The following SUCLG2 variants were observed in gnomAD, a reference collection of about 807,000 sequenced individuals.
SUCLG2 encodes the protein succinate--CoA ligase [GDP-forming] subunit beta, mitochondrial.
SUCLG2 carries 42 observed loss-of-function variants against 47.9 expected under a neutral mutation model. That is an observed-to-expected ratio of 0.88 (90% CI 0.69 to 1.14). The LOEUF (loss-of-function observed/expected upper bound fraction) is 1.14. SUCLG2 is among the 50% of genes most tolerant of loss of function. The pLI, the probability that SUCLG2 is intolerant of heterozygous loss-of-function variation, is 0.00. For missense variants in SUCLG2, 571 were observed against 525.9 expected (o/e 1.09, Z -0.84); for synonymous variants, 195 against 197.3 (o/e 0.99, Z 0.10).
intron 9 of SUCLG2, among the ~76,000 whole-genome samples, chr3:67,451,493 G>A (rs1468239903): frequency 6.6e-6 from 1 of 152,144 alleles, no homozygotes; most frequent in African/African-American, 2.4e-5. Flanking sequence ...CCTCAAGGGA[G>A]GTACACCACC....
rs147592320 is a variant in SUCLG2 at position 67,626,385 on chromosome 3, G to C, written c.85-16789C>G. On this transcript the variant is annotated intron_variant, in intron 1 of 10. Transcript: ENST00000307227. ...AATGATCAGCACCAAGCAGCAAGGGGTATGCTGGACAAAAACAGCAATTGT... is the reference window on the plus strand; with the variant it reads ...AATGATCAGCACCAAGCAGCAAGGGCTATGCTGGACAAAAACAGCAATTGT... 5.1e-4 allele frequency among the ~76,000 whole-genome samples: 78 copies of C among 152,098 alleles called. 1 individual carries two copies. In the East Asian group the frequency reaches 8.4e-3, roughly 16 times the overall value.
rs529232226 is a variant in SUCLG2, at chr3:67,431,576, A to G, written c.1063-30725T>C. 7.9e-5 allele frequency among the ~76,000 whole-genome samples: 12 copies of G among 152,346 alleles called. No individual in the cohort carries two copies. In the East Asian group the frequency reaches 2.3e-3, roughly 29 times the overall value. The stretch of plus-strand genomic sequence containing the variant: ...TGCAGCCATAAAAAAGGTTGAGTTC[A>G]TGTCCTTTGTAGGGACATGGATGAA... On this transcript the variant is annotated intron_variant, in intron 9 of 10. Transcript: ENST00000307227.
At chr3:67,641,242 TCAAATC>T in intron 1 of SUCLG2, among the ~76,000 whole-genome samples, 1 of 152,268 alleles carries the variant, frequency 6.6e-6, no homozygotes, top group Admixed American at 6.5e-5. Context: ...TCAGAGCTTC[TCAAATC>T]CAACACCAGC....
intron 9 of SUCLG2, among the ~76,000 whole-genome samples, chr3:67,422,497 A>AAAAAAAAAAAAAAAAAAAAAAAC (rs1703189526): frequency 6.9e-6 from 1 of 145,126 alleles, no homozygotes; most frequent in Non-Finnish European, 1.5e-5. Flanking sequence ...AAAAAAAAAA[A>AAAAAAAAAAAAAAAAAAAAAAAC]AAAAAAGAAC....
intron 9 of SUCLG2, among the ~76,000 whole-genome samples, chr3:67,484,512 A>G (rs894593219): frequency 6.6e-6 from 1 of 152,246 alleles, no homozygotes; most frequent in Admixed American, 6.5e-5. Flanking sequence ...ATAATGAAGT[A>G]TACAATAGTT....
Position 67,375,865 on chromosome 3 carries a change from AG to A in SUCLG2, c.1184-7del. ...GGCCTCTTGGACGTTGGTTCCTAGA[AG>A]GGGGACAGGGAACAATCACTGAATG... On this transcript the variant is annotated splice_region_variant and splice_polypyrimidine_tract_variant and intron_variant, in intron 10 of 10. Coordinates refer to ENST00000307227, the MANE Select transcript of SUCLG2 (RefSeq NM_003848.4). The A allele has an allele frequency of 6.2e-7, 1 of 1,612,036 alleles. No individual in the cohort carries two copies. Among genetic ancestry groups the A allele is most frequent in the African/African-American group, 1.3e-5 (1 of 75,016 alleles).
At chr3:67,394,253 C>T (rs889106824) in intron 10 of SUCLG2, among the ~76,000 whole-genome samples, 2 of 151,908 alleles carry the variant, frequency 1.3e-5, no homozygotes, top group South Asian at 2.1e-4. Flanking sequence ...AAACCAAAGG[C>T]AAAGAAGTTA....
chr3:67,431,106 C>G (rs1196189390), intron 9 of SUCLG2, among the ~76,000 whole-genome samples: 1 of 152,092 alleles, frequency 6.6e-6, no homozygotes, highest in Non-Finnish European at 1.5e-5. Flanking sequence ...ATTTTAAAGG[C>G]CAGCATCATC....
intron 9 of SUCLG2, among the ~76,000 whole-genome samples, chr3:67,428,818 A>G (rs1036124499): frequency 6.6e-6 from 1 of 152,220 alleles, no homozygotes; most frequent in Non-Finnish European, 1.5e-5. Context: ...AAGCTTCAGT[A>G]GCCGATTTGA....
chr3:67,641,743 A>ACTACATT (rs1237999802), intron 1 of SUCLG2, among the ~76,000 whole-genome samples: 1 of 152,198 alleles, frequency 6.6e-6, no homozygotes, highest in Non-Finnish European at 1.5e-5. Flanking sequence ...AGTACCACAT[A>ACTACATT]CTGGGTGGCT....
chr3:67,650,526 G>A (rs1394590934), intron 1 of SUCLG2, among the ~76,000 whole-genome samples: 4 of 152,320 alleles, frequency 2.6e-5, no homozygotes, highest in Non-Finnish European at 5.9e-5. Flanking sequence ...GGAGGCTGAA[G>A]GGGGCAGATC....
chr3:67,535,163 A>C (rs2107160811), intron 2 of SUCLG2, among the ~76,000 whole-genome samples: 1 of 152,136 alleles, frequency 6.6e-6, no homozygotes, highest in Middle Eastern at 3.4e-3. Flanking sequence ...AACTAGCTAT[A>C]AAAAAATCAT....
chr3:67,361,166 G>A (rs1474068898), intron 10 of SUCLG2, among the ~76,000 whole-genome samples: 15 of 144,194 alleles, frequency 1.0e-4, no homozygotes, highest in East Asian at 2.0e-4. Context: ...CTGAGATGCC[G>A]GAAAAAAAAA....
At chr3:67,479,151 A>C (rs1704844350) in intron 9 of SUCLG2, among the ~76,000 whole-genome samples, 1 of 150,118 alleles carries the variant, frequency 6.7e-6, no homozygotes, top group Non-Finnish European at 1.5e-5. Flanking sequence ...GTATGAAATA[A>C]AAGAAAAGCA....
At chr3:67,393,456 G>A (rs1222331490) in intron 10 of SUCLG2, among the ~76,000 whole-genome samples, 2 of 152,194 alleles carry the variant, frequency 1.3e-5, no homozygotes, top group Admixed American at 1.3e-4. Flanking sequence ...CAAGGCGGCA[G>A]CGAGGCTGGG....
chr3:67,418,060 G>C (rs138933775), intron 9 of SUCLG2, among the ~76,000 whole-genome samples: 92 of 152,276 alleles, frequency 6.0e-4, no homozygotes, highest in African/African-American at 2.1e-3. Flanking sequence ...CCATGCAGTA[G>C]GTTCTGATTC....
intron 9 of SUCLG2, among the ~76,000 whole-genome samples, chr3:67,477,586 T>C (rs1043086476): frequency 2.0e-5 from 3 of 152,166 alleles, no homozygotes; most frequent in Non-Finnish European, 4.4e-5. Context: ...TCCCAGCTAC[T>C]TGGGAGGCTG....
rs548749165 is a variant in SUCLG2, at chr3:67,395,263, G to C, written c.1183+5468C>G. 6.6e-5 allele frequency among the ~76,000 whole-genome samples: 10 copies of C among 152,222 alleles called. No individual in the cohort carries two copies. In the East Asian group the frequency reaches 1.9e-3, roughly 29 times the overall value. On this transcript the variant is annotated intron_variant, in intron 10 of 10. Transcript: ENST00000307227. ...AAGAGTCAAGACCCATCAGTGTGCTGTATTCAGGAAACCCATCTCATGTGC... is the reference window on the plus strand; with the variant it reads ...AAGAGTCAAGACCCATCAGTGTGCTCTATTCAGGAAACCCATCTCATGTGC...
downstream of SUCLG2, among the ~76,000 whole-genome samples, chr3:67,374,423 A>G (rs980734085): frequency 6.6e-6 from 1 of 152,210 alleles, no homozygotes; most frequent in Non-Finnish European, 1.5e-5. Flanking sequence ...ACTTAATGGA[A>G]TGAGTTATAC....
Sources: allele counts gnomAD v4.1 joint callset (sites outside exome capture counted in the v4.1 genomes callset), GRCh38; gene constraint gnomAD v4.1.1; transcripts MANE v1.5; gene names NCBI Gene and HGNC (gene_info 2026-07-23, HGNC 2026-07-21).